GTF2H2: variants seen among roughly 807,000 people sequenced by gnomAD.
GTF2H2 encodes TFIIH basal transcription factor complex p44 subunit.
In GTF2H2, 2 loss-of-function variants were observed where a neutral mutation model predicts 16.5. The observed-to-expected ratio is 0.12, with a 90% CI of 0.05 to 0.38. GTF2H2 has a LOEUF of 0.38. Among genes scored for constraint, GTF2H2 ranks in the 10% least tolerant of loss-of-function variants. The pLI, the probability that GTF2H2 is intolerant of heterozygous loss-of-function variation, is 0.99. For missense variants in GTF2H2, 20 were observed against 137.0 expected, an observed-to-expected ratio of 0.15 and a Z score of 4.26; for synonymous variants, 8 against 44.1, an observed-to-expected ratio of 0.18 and a Z score of 3.24.
chr5:71,059,807 T>C, intron 6 of GTF2H2, 63 bp from the exon 7 acceptor site: 1 of 3,720 alleles, frequency 2.7e-4, no homozygotes, highest in South Asian at 2.8e-3. Context: ...TAAGAATATA[T>C]ATAACTATTC....
At chr5:71,053,225 C>G (rs1349890662) in intron 8 of GTF2H2, among the ~76,000 whole-genome samples, 3 of 136,480 alleles carry the variant, frequency 2.2e-5, no homozygotes, top group African/African-American at 5.7e-5. Context: ...GTGAGACATG[C>G]GACTCCTCCT....
At chr5:71,054,266 T>C (rs1329380674) in intron 8 of GTF2H2, among the ~76,000 whole-genome samples, 1 of 146,262 alleles carries the variant, frequency 6.8e-6, no homozygotes, top group African/African-American at 2.6e-5. Context: ...CAGTTAGTTA[T>C]AGCTTTCCTG....
In GTF2H2 at chr5:71,051,045, C is replaced by T. The variant is rs1216590909; in HGVS notation, c.471-1887G>A. Among the ~76,000 whole-genome samples the T allele has an allele frequency of 1.4e-5, 2 of 143,300 alleles. 1 individual carries two copies. Among genetic ancestry groups the T allele is most frequent in the Non-Finnish European group, 3.1e-5 (2 of 65,166 alleles). The allele number at this position is 143,300 out of a possible 152,430, so 94.0% of individuals were successfully genotyped here. A position where few individuals can be genotyped will look rare whatever the true frequency, so the allele number is the denominator to read the frequency against. On this transcript the variant is annotated intron_variant, in intron 8 of 15. Coordinates refer to ENST00000274400, the Ensembl canonical transcript of GTF2H2. ...TATTTTTAGTGAGGACGGGGTTTCA[C>T]CATGTTGGCCAGACTAGTCTTGAAC...
intron 3 of GTF2H2, 79 bp from the exon 4 acceptor site, chr5:71,061,387 ACCT>A: frequency 8.1e-7 from 1 of 1,235,232 alleles, no homozygotes; most frequent in African/African-American, 1.5e-5. Context: ...TTTCCAATTG[ACCT>A]CCTTTGTTTT....
chr5:71,054,987 T>C (rs1196689509), intron 8 of GTF2H2: 1 of 156,534 alleles, frequency 6.4e-6, no homozygotes, highest in Non-Finnish European at 1.3e-5. Context: ...AAAGGAACTG[T>C]GGTTTTGGCC....
At position 71,057,546 on chromosome 5, in the gene GTF2H2, C is replaced by T. The variant is rs1163718010; in HGVS notation, c.365-2089G>A. 2.8e-5 allele frequency among the ~76,000 whole-genome samples: 3 copies of T among 107,450 alleles called. No individual in the cohort carries two copies. The Admixed American group carries it at 3.0e-4, about 11-fold the overall frequency. 70.5% of individuals were successfully genotyped at this position (107,450 alleles called of 152,430 possible). A position where few individuals can be genotyped will look rare whatever the true frequency, so the allele number is the denominator to read the frequency against. On this transcript the variant is annotated intron_variant, in intron 7 of 15. Coordinates refer to ENST00000274400, the Ensembl canonical transcript of GTF2H2. ...CATTTGTAATATTTAATATTTACTG[C>T]AAGTATTTTAGATTCATAAATTTTA...
At chr5:71,054,948 T>C (rs1202250597) in intron 8 of GTF2H2, 2 of 145,830 alleles carry the variant, frequency 1.4e-5, no homozygotes, top group Middle Eastern at 3.5e-3. Context: ...GCCATATCTA[T>C]TAATTTACAG....
intron 7 of GTF2H2, chr5:71,058,256 A>C (rs1332055159): frequency 1.9e-4 from 26 of 140,260 alleles, no homozygotes; most frequent in African/African-American, 5.7e-4. Flanking sequence ...GGGGTGGGTA[A>C]AGTGAGAGGA....
rs1392047415 is a variant in GTF2H2 at position 71,036,907 on chromosome 5, AATAT to A, written c.1068+596_1068+599del. The stretch of plus-strand genomic sequence containing the variant: ...AATACTTCTAATTATTATTTTATAT[AATAT>A]ATATAGTTTTAAATATGAACATGTA... On this transcript the variant is annotated intron_variant, in intron 15 of 15. Transcript: ENST00000274400. Among the ~76,000 whole-genome samples, 4 of 71,054 alleles carry A rather than the reference AATAT, an allele frequency of 5.6e-5. 2 individuals are homozygous for A. The highest frequency in any genetic ancestry group is 1.1e-4 in the Non-Finnish European group (4 of 35,228). 46.6% of individuals were successfully genotyped at this position (71,054 alleles called of 152,430 possible). A position where few individuals can be genotyped will look rare whatever the true frequency, so the allele number is the denominator to read the frequency against.
Position 71,038,408 on chromosome 5 carries a change from G to A in GTF2H2, c.1029-862C>T, listed in dbSNP as rs1751869913. 3.5e-5 allele frequency among the ~76,000 whole-genome samples: 3 copies of A among 85,770 alleles called. 1 individual carries two copies. The highest frequency in any genetic ancestry group is 7.3e-5 in the Non-Finnish European group (3 of 41,004). The allele number at this position is 85,770 out of a possible 152,430, so 56.3% of individuals were successfully genotyped here. A position where few individuals can be genotyped will look rare whatever the true frequency, so the allele number is the denominator to read the frequency against. On this transcript the variant is annotated intron_variant, in intron 14 of 15. Coordinates refer to ENST00000274400, the Ensembl canonical transcript of GTF2H2. Reference sequence around the variant, plus strand: ...TGCCCAGCCAGAAGCACTTTCTAACGTTTGTTTGATAGTCACTTACTCTAA... The same window carrying A: ...TGCCCAGCCAGAAGCACTTTCTAACATTTGTTTGATAGTCACTTACTCTAA...
At chr5:71,055,125 G>A (rs182207585) in intron 8 of GTF2H2, 46 of 350,488 alleles carry the variant, frequency 1.3e-4, no homozygotes, top group East Asian at 8.9e-4. Context: ...TGATACTGCC[G>A]ACAGTTTTAA....
At chr5:71,054,712 C>CGTACGTGTGT (rs1554087922) in intron 8 of GTF2H2, among the ~76,000 whole-genome samples, 1 of 105,290 alleles carries the variant, frequency 9.5e-6, no homozygotes, top group East Asian at 2.6e-4. Flanking sequence ...TATATATATA[C>CGTACGTGTGT]GTGTGTGTGT....
At chr5:71,046,056 T>C (rs1162048815) in intron 11 of GTF2H2, among the ~76,000 whole-genome samples, 1 of 141,588 alleles carries the variant, frequency 7.1e-6, no homozygotes, top group African/African-American at 2.8e-5. Context: ...TTTGAAATGC[T>C]CAAATCTTTC....
chr5:71,045,004 C>T (rs1752220451), intron 12 of GTF2H2, among the ~76,000 whole-genome samples: 1 of 137,424 alleles, frequency 7.3e-6, no homozygotes, highest in Middle Eastern at 3.5e-3. Flanking sequence ...TGTGTAAGTG[C>T]ACTCTGTGAT....
rs1217932230 is a variant in GTF2H2 at position 71,037,999 on chromosome 5, G to A, written c.1029-453C>T. On this transcript the variant is annotated intron_variant, in intron 14 of 15. Coordinates refer to ENST00000274400, the Ensembl canonical transcript of GTF2H2. Reference sequence around the variant, plus strand: ...CAAAAAAAAAAAAAAAAAAAAAAAAGAATAGCAATAATTAAAAAAAAAATT... The same window carrying A: ...CAAAAAAAAAAAAAAAAAAAAAAAAAAATAGCAATAATTAAAAAAAAAATT... Among the ~76,000 whole-genome samples, 350 of 42,632 alleles carry A rather than the reference G, an allele frequency of 8.2e-3. 3 individuals carry two copies. The highest frequency in any genetic ancestry group is 0.011 in the South Asian group (9 of 822). The allele number at this position is 42,632 out of a possible 152,430, so 28.0% of individuals were successfully genotyped here.
intron 14 of GTF2H2, among the ~76,000 whole-genome samples, chr5:71,038,675 AT>A (rs1279652432): frequency 4.5e-5 from 1 of 22,154 alleles, no homozygotes; most frequent in African/African-American, 1.7e-4. Context: ...TATTTAAAAC[AT>A]TTTTTTTTTC....
At chr5:71,052,280 G>A in intron 8 of GTF2H2, among the ~76,000 whole-genome samples, 1 of 130,696 alleles carries the variant, frequency 7.7e-6, no homozygotes, top group Non-Finnish European at 1.6e-5. Context: ...CGATTCTCCT[G>A]CCTCAGCCTC....
rs1177595149 is a variant in GTF2H2, at chr5:71,046,495, TG to T, written c.758-989del. ...AAGACCGTGGAAAAGAGAGGTCGAC[TG>T]GTAATATAAAAGGCCAAAAGTAGAA... On this transcript the variant is annotated intron_variant, in intron 11 of 15. Transcript: ENST00000274400. Among the ~76,000 whole-genome samples the T allele has an allele frequency of 5.5e-5, 4 of 72,742 alleles. 1 individual carries two copies. Among genetic ancestry groups the T allele is most frequent in the Non-Finnish European group, 9.8e-5 (4 of 40,876 alleles). 47.7% of individuals were successfully genotyped at this position (72,742 alleles called of 152,430 possible).
At chr5:71,054,172 G>C (rs1370420029) in intron 8 of GTF2H2, among the ~76,000 whole-genome samples, 1 of 145,296 alleles carries the variant, frequency 6.9e-6, no homozygotes, top group African/African-American at 2.6e-5. Context: ...TAATTAAAAT[G>C]ATAGCTTGTA....
Sources: allele counts gnomAD v4.1 joint callset (sites outside exome capture counted in the v4.1 genomes callset), GRCh38; gene constraint gnomAD v4.1.1; transcripts MANE v1.5; gene names NCBI Gene and HGNC (gene_info 2026-07-23, HGNC 2026-07-21).